Variants in STPG2 observed in about 807,000 individuals in gnomAD.
The protein encoded by STPG2 is sperm tail PG-rich repeat containing 2.
A neutral mutation model predicts 54.2 loss-of-function variants in STPG2; 56 were observed. The ratio of observed to expected loss-of-function variants is 1.03; its 90% CI spans 0.83 to 1.29. The LOEUF (loss-of-function observed/expected upper bound fraction) is 1.29, where lower values mean the gene tolerates loss of function less well. STPG2 is among the 50% of genes most tolerant of loss of function. The pLI is 0.00. For synonymous variants in STPG2, 200 were observed against 181.8 expected (o/e 1.10, Z -0.81); for missense variants, 596 against 544.9 (o/e 1.09, Z -0.93).
intron 4 of STPG2, among the ~76,000 whole-genome samples, chr4:97,492,126 G>A (rs1225776709): frequency 6.6e-6 from 1 of 151,382 alleles, no homozygotes; most frequent in Non-Finnish European, 1.5e-5. Context: ...GCTGAATATA[G>A]GGTAGATACA....
chr4:97,600,158 T>G (rs7662798), intron 10 of STPG2, among the ~76,000 whole-genome samples: 20,123 of 152,146 alleles, frequency 0.13, 4,107 homozygotes, highest in African/African-American at 0.44. Flanking sequence ...TTACCTGGGT[T>G]ATGAAAGAAT....
intron 4 of STPG2, among the ~76,000 whole-genome samples, chr4:97,447,221 A>G (rs1446056875): frequency 1.3e-5 from 2 of 152,196 alleles, no homozygotes; most frequent in Admixed American, 1.3e-4. Context: ...TGAACTTGAG[A>G]GAGATGATCT....
At chr4:97,560,578 A>G (rs1732202131) in intron 10 of STPG2, among the ~76,000 whole-genome samples, 1 of 152,206 alleles carries the variant, frequency 6.6e-6, no homozygotes, top group African/African-American at 2.4e-5. Context: ...ATGAGTGTCC[A>G]CTGTTAAAGC....
intron 4 of STPG2, among the ~76,000 whole-genome samples, chr4:97,538,039 T>A (rs1232809435): frequency 2.0e-5 from 3 of 152,070 alleles, no homozygotes; most frequent in Non-Finnish European, 2.9e-5. Context: ...CAAAACCCCA[T>A]CTGTACGTCA....
chr4:97,647,670 C>A (rs9990450), intron 10 of STPG2, among the ~76,000 whole-genome samples: 70,481 of 151,980 alleles, frequency 0.46, 17,442 homozygotes, highest in South Asian at 0.62. Flanking sequence ...TGGTAAGGGA[C>A]GGGCCAAGCA....
intron 10 of STPG2, among the ~76,000 whole-genome samples, chr4:97,598,008 G>A (rs762909513): frequency 1.3e-5 from 2 of 151,002 alleles, no homozygotes; most frequent in African/African-American, 2.4e-5. Flanking sequence ...AAAGCCCCTT[G>A]ATCTGATTTA....
chr4:97,959,665 A>T (rs1328384070), intron 7 of STPG2, among the ~76,000 whole-genome samples: 1 of 152,008 alleles, frequency 6.6e-6, no homozygotes, highest in Non-Finnish European at 1.5e-5. Flanking sequence ...AGAAGCAGAT[A>T]CCCTGAACAA....
At chr4:98,013,807 TG>T (rs758568923) in intron 5 of STPG2, among the ~76,000 whole-genome samples, 29 of 152,114 alleles carry the variant, frequency 1.9e-4, no homozygotes, top group African/African-American at 4.3e-4. Flanking sequence ...GTGGGGTCAG[TG>T]GTGATATCCC....
Position 97,955,125 on chromosome 4 carries a change from G to T in STPG2, c.934-11118C>A, listed in dbSNP as rs1733625019. ...GATTGATTTAATGGTAGTTGAAATA[G>T]ATGAAAAAAAGTAGTGAATTAAATT... On this transcript the variant is annotated intron_variant, in intron 7 of 10. Transcript: ENST00000295268. Among the ~76,000 whole-genome samples the T allele has an allele frequency of 2.6e-5, 4 of 151,498 alleles. No homozygotes were observed. In the South Asian group the frequency reaches 8.3e-4, roughly 31 times the overall value.
intron 4 of STPG2, among the ~76,000 whole-genome samples, chr4:97,497,002 A>T (rs548918180): frequency 1.3e-3 from 187 of 148,162 alleles, no homozygotes; most frequent in Middle Eastern, 3.4e-3. Context: ...TTTTTTTTTT[A>T]AAAAAAGCAG....
At chr4:97,503,370 T>C (rs1578347685) in intron 4 of STPG2, among the ~76,000 whole-genome samples, 1 of 152,058 alleles carries the variant, frequency 6.6e-6, no homozygotes, top group Admixed American at 6.6e-5. Flanking sequence ...TTTAAAATAA[T>C]GCTTACTTTT....
intron 5 of STPG2, among the ~76,000 whole-genome samples, chr4:98,018,263 C>T (rs931486895): frequency 8.6e-5 from 13 of 151,672 alleles, no homozygotes; most frequent in Admixed American, 4.6e-4. Context: ...GGAGAACATG[C>T]GGTGTTTGGT....
chr4:98,078,015 G>A (rs1452914557), intron 5 of STPG2, among the ~76,000 whole-genome samples: 3 of 149,674 alleles, frequency 2.0e-5, no homozygotes, highest in African/African-American at 7.4e-5. Context: ...CACAGAATTT[G>A]ACTGTCATTT....
rs190943870 is a variant in STPG2 at position 98,034,371 on chromosome 4, C to A, written c.613-53053G>T. ...CAACTGCTACTAAGAGAATAAAATA[C>A]CTAGGAATACAACTTACAAGACATG... On this transcript the variant is annotated intron_variant, in intron 5 of 10. Coordinates refer to ENST00000295268, the MANE Select transcript of STPG2 (RefSeq NM_174952.3). Among the ~76,000 whole-genome samples, 643 of 152,208 alleles carry A rather than the reference C, an allele frequency of 4.2e-3. 3 individuals carry two copies. Among genetic ancestry groups the A allele is most frequent in the South Asian group, 0.024 (117 of 4,818 alleles).
intron 5 of STPG2, among the ~76,000 whole-genome samples, chr4:98,050,879 C>T (rs1737297861): frequency 1.3e-5 from 2 of 151,938 alleles, no homozygotes; most frequent in South Asian, 4.2e-4. Flanking sequence ...GTGTCGGACG[C>T]CTGTAGTCCC....
At chr4:97,875,774 G>A (rs1268622737) in intron 8 of STPG2, among the ~76,000 whole-genome samples, 1 of 151,810 alleles carries the variant, frequency 6.6e-6, no homozygotes, top group East Asian at 1.9e-4. Context: ...CCACAGTTGG[G>A]CTCTAATATA....
chr4:97,759,069 T>C (rs1387364161), intron 9 of STPG2, among the ~76,000 whole-genome samples: 17 of 152,158 alleles, frequency 1.1e-4, no homozygotes, highest in Non-Finnish European at 1.5e-5. Flanking sequence ...TTCAAGTTAT[T>C]ACAGAGATGA....
chr4:97,922,073 G>T (rs1207132406), intron 8 of STPG2, among the ~76,000 whole-genome samples: 2 of 152,148 alleles, frequency 1.3e-5, no homozygotes, highest in African/African-American at 4.8e-5. Flanking sequence ...TTTCTGATAG[G>T]AAGAGTAAGT....
At chr4:97,694,812 C>CAAAAAAAAAAAAAAAAAAAAAAAAAAA (rs70953083) in intron 10 of STPG2, among the ~76,000 whole-genome samples, 1 of 44,044 alleles carries the variant, frequency 2.3e-5, no homozygotes, top group African/African-American at 7.2e-5. Context: ...GACTCTGTCA[C>CAAAAAAAAAAAAAAAAAAAAAAAAAAA]AAAAAAAAAA....
Sources: gnomAD v4.1 joint callset for allele counts (sites outside exome capture counted in the v4.1 genomes callset) on GRCh38, gnomAD v4.1.1 for gene constraint, MANE v1.5 for transcripts, NCBI Gene and HGNC (gene_info 2026-07-23, HGNC 2026-07-21) for gene names.